The following RASAL1 variants were observed in gnomAD, a reference collection of about 807,000 sequenced individuals.
RASAL1 encodes rasGAP-activating-like protein 1.
RASAL1 carries 72 observed loss-of-function variants against 96.6 expected under a neutral mutation model. The observed-to-expected ratio is 0.75, with a 90% CI of 0.62 to 0.91. The LOEUF is 0.91. Ranked by LOEUF, RASAL1 falls within the 40% of genes least tolerant of loss-of-function variation. The pLI is 0.00. For missense variants in RASAL1, 1,016 were observed against 1,072.5 expected (o/e 0.95, Z 0.74); for synonymous variants, 405 against 430.4 (o/e 0.94, Z 0.73).
rs143821565 is a variant in RASAL1 at position 113,104,167 on chromosome 12, C to T, written c.1962G>A (p.Gln654=). 91 of 1,608,074 alleles carry T rather than the reference C, an allele frequency of 5.7e-5. No homozygotes were observed. In the African/African-American group the frequency reaches 1.1e-3, roughly 19 times the overall value. Residue 654 remains glutamine, a synonymous_variant, in exon 17 of 21, where the codon CAG becomes CAA. Transcript: ENST00000548055. ...CATCGCGGTGGGGTCTCACCTTGCA[C>T]TGGAGGTAGGTGGTGTGCAGCGCCC... ...GTGALHTTYL[Q]CKNVNELNQW... is the part of the protein sequence containing the mutation.
chr12:113,114,671 C>T (rs1951008215), intron 12 of RASAL1, 129 bp downstream of exon 12: 2 of 746,024 alleles, frequency 2.7e-6, no homozygotes, highest in Non-Finnish European at 4.7e-6. Flanking sequence ...GCTTTCAGCT[C>T]AGCCACCGAG....
chr12:113,127,847 G>A lies in RASAL1; in HGVS notation c.263C>T (p.Ser88Leu), dbSNP rs139171712. ...VGHDDIIGKI[S>L]LSREAITADP... ...GGCTGTAATCGCCTCCCTGCTCAGC[G>A]AGATCTTGCCGATGATGTCGTCGTG... The change falls in exon 4 of 21, where the codon TCG becomes TTG. Residue 88 changes from serine (S) to leucine (L), a missense_variant. Physicochemically the swap from Ser to Leu is moderately radical, Grantham distance 145. Transcript: ENST00000548055. 452 of 1,613,298 alleles carry A rather than the reference G, an allele frequency of 2.8e-4. 1 individual carries two copies. The African/African-American group carries it at 4.3e-3, about 15-fold the overall frequency.
intron 13 of RASAL1, among the ~76,000 whole-genome samples, chr12:113,111,791 A>C (rs1950872341): frequency 6.6e-6 from 1 of 152,108 alleles, no homozygotes; most frequent in South Asian, 2.1e-4. Flanking sequence ...ACAGGGTTTC[A>C]TCATGTTGGC....
chr12:113,115,412 A>G lies in RASAL1; in HGVS notation c.1004-148T>C. ...CCCCATTCACAGTACAGAGGCCCGG[A>G]GTGGTTAAGTGAATTGCCTGAGGTC... On this transcript the variant is annotated intron_variant, in intron 10 of 20. Coordinates refer to ENST00000548055, the MANE Select transcript of RASAL1 (RefSeq NM_001301202.2). The surrounding 1 kb of genome is among the most constrained non-coding windows in gnomAD (Gnocchi z 4.1). 5.2e-6 allele frequency: 5 copies of G among 957,064 alleles called. No individual in the cohort carries two copies. Among genetic ancestry groups the G allele is most frequent in the Non-Finnish European group, 8.0e-6 (5 of 622,920 alleles). The allele number at this position is 957,064 out of a possible 1,614,324, so 59.3% of individuals were successfully genotyped here.
At chr12:113,119,312 C>T (rs1951202431) in intron 6 of RASAL1, 50 bp downstream of exon 6, 1 of 1,612,384 alleles carries the variant, frequency 6.2e-7, no homozygotes, top group Non-Finnish European at 8.5e-7. Flanking sequence ...GGACTCCTGC[C>T]CCACCACCAA....
At chr12:113,117,045 G>A (rs377377467) in intron 8 of RASAL1, 28 bp downstream of exon 8, 37 of 1,521,116 alleles carry the variant, frequency 2.4e-5, no homozygotes, top group Non-Finnish European at 2.9e-5. Context: ...GCTCCAGCCT[G>A]GCCCCCTCCC....
chr12:113,104,354 A>C, intron 16 of RASAL1, 56 bp from the exon 17 acceptor site: 1 of 1,494,764 alleles, frequency 6.7e-7, no homozygotes, highest in East Asian at 2.5e-5. Context: ...CGGGGTGGGG[A>C]CACCTTCCGT....
chr12:113,117,009 G>A (rs548971973), intron 8 of RASAL1, 64 bp downstream of exon 8: 93 of 1,363,644 alleles, frequency 6.8e-5, no homozygotes, highest in Non-Finnish European at 8.5e-5. Flanking sequence ...GGCTCTGCCC[G>A]CAAGCTGTGG....
At position 113,104,202 on chromosome 12, in the gene RASAL1, C is replaced by A. The variant is rs1950564944; in HGVS notation, c.1927G>T (p.Asp643Tyr). The change falls in exon 17 of 21, where the codon GAC becomes TAC. Residue 643 changes from aspartate (D) to tyrosine (Y), a missense_variant. Asp to Tyr is a radical substitution (Grantham distance 160). Coordinates refer to ENST00000548055, the MANE Select transcript of RASAL1 (RefSeq NM_001301202.2). The stretch of plus-strand genomic sequence containing the variant: ...GTGGTGTGCAGCGCCCCCGTGCCGT[C>A]CTGCGTCACCACCTGCATCACGTGG... ...LPHVMQVVTQ[D>Y]GTGALHTTYL... The A allele has an allele frequency of 2.5e-6, 4 of 1,611,688 alleles. No homozygotes were observed. In the East Asian group the frequency reaches 8.9e-5, roughly 36 times the overall value.
chr12:113,132,438 A>T (rs778122733), intron 1 of RASAL1, among the ~76,000 whole-genome samples: 2 of 152,018 alleles, frequency 1.3e-5, no homozygotes, highest in African/African-American at 2.4e-5. Flanking sequence ...GGGTTTATGG[A>T]GTGCTCTCTC....
At position 113,126,944 on chromosome 12, in the gene RASAL1, T is replaced by C. The variant is rs187617878; in HGVS notation, c.298+868A>G. The stretch of plus-strand genomic sequence containing the variant: ...GAATTAGTGTTCAGAATAATATTTA[T>C]ATATAATTATTATATATAAATATGT... On this transcript the variant is annotated intron_variant, in intron 4 of 20. Coordinates refer to ENST00000548055, the MANE Select transcript of RASAL1 (RefSeq NM_001301202.2). Among the ~76,000 whole-genome samples the C allele has an allele frequency of 7.0e-3, 1,043 of 148,648 alleles. 14 individuals are homozygous for C. The highest frequency in any genetic ancestry group is 0.024 in the African/African-American group (977 of 40,936).
In RASAL1 at chr12:113,129,603, C is replaced by G. The variant is rs183802200; in HGVS notation, c.122+1282G>C. Among the ~76,000 whole-genome samples, 4 of 152,188 alleles carry G rather than the reference C, an allele frequency of 2.6e-5. No homozygotes were observed. Among genetic ancestry groups the G allele is most frequent in the Non-Finnish European group, 5.9e-5 (4 of 68,026 alleles). On this transcript the variant is annotated intron_variant, in intron 2 of 20. Transcript: ENST00000548055. This position sits in a 1 kb window ranked among gnomAD's most constrained non-coding sequence, Gnocchi z 5.0. ...CAGCAGAGAACAGATTCTACTTGCCCGGTAAAGACACACCCACATTTGTGG... is the reference window on the plus strand; with the variant it reads ...CAGCAGAGAACAGATTCTACTTGCCGGGTAAAGACACACCCACATTTGTGG...
At position 113,107,078 on chromosome 12, in the gene RASAL1, C is replaced by A; in HGVS notation, c.1657+19G>T. 6.3e-7 allele frequency: 1 copy of A among 1,599,886 alleles called. No individual in the cohort carries two copies. Among genetic ancestry groups the A allele is most frequent in the South Asian group, 1.1e-5 (1 of 88,362 alleles). On this transcript the variant is annotated intron_variant, in intron 15 of 20. Coordinates refer to ENST00000548055, the MANE Select transcript of RASAL1 (RefSeq NM_001301202.2). ...AACTGGGCTGAGAAGCCAGATGTGG[C>A]CGGACCACAGGAACTCACCTTCATC...
chr12:113,118,654 G>A (rs865942818), intron 7 of RASAL1, among the ~76,000 whole-genome samples: 1 of 152,158 alleles, frequency 6.6e-6, no homozygotes, highest in East Asian at 1.9e-4. Flanking sequence ...AGTTAAGGGC[G>A]TTAAGTCTGG....
chr12:113,101,766 G>C, intron 19 of RASAL1, 123 bp downstream of exon 19: 1 of 1,330,082 alleles, frequency 7.5e-7, no homozygotes, highest in Non-Finnish European at 9.9e-7. Flanking sequence ...CCCTGGGCCA[G>C]GCCCCCGGGG....
chr12:113,118,368 A>G (rs1040739378), intron 7 of RASAL1, among the ~76,000 whole-genome samples: 1 of 152,232 alleles, frequency 6.6e-6, no homozygotes, highest in African/African-American at 2.4e-5. Flanking sequence ...TGGCTGAATA[A>G]TATTCCATTG....
intron 18 of RASAL1, chr12:113,102,810 A>G (rs545989736): frequency 6.5e-6 from 1 of 154,344 alleles, no homozygotes; most frequent in African/African-American, 2.4e-5. Flanking sequence ...CTCTAGCAGT[A>G]GCCTCGCCTC....
At chr12:113,119,287 T>A (rs767051886) in intron 6 of RASAL1, 28 bp from the exon 7 acceptor site, 79 of 1,611,042 alleles carry the variant, frequency 4.9e-5, no homozygotes, top group Non-Finnish European at 6.2e-5. Context: ...GGTCTGTGAG[T>A]GGGAGAGCTG....
In RASAL1 at chr12:113,099,566, G is replaced by A. The variant is rs542647331; in HGVS notation, c.*363C>T. ...GGGCAACAACATCACATGGGCATCA[G>A]GAATTCAGGTCCAGCTGTATCCAGC... On this transcript the variant is annotated 3_prime_UTR_variant, in exon 21 of 21. Transcript: ENST00000548055. 5.2e-6 allele frequency: 1 copy of A among 192,046 alleles called. No homozygotes were observed. The highest frequency in any genetic ancestry group is 1.9e-4 in the South Asian group (1 of 5,270). 11.9% of individuals were successfully genotyped at this position (192,046 alleles called of 1,614,324 possible). A position where few individuals can be genotyped will look rare whatever the true frequency, so the allele number is the denominator to read the frequency against.
Sources: gnomAD v4.1 joint callset for allele counts (sites outside exome capture counted in the v4.1 genomes callset) on GRCh38, gnomAD v4.1.1 for gene constraint, Gnocchi (gnomAD v3.1) non-coding constraint, MANE v1.5 for transcripts, NCBI Gene and HGNC (gene_info 2026-07-23, HGNC 2026-07-21) for gene names.